Variants in KIF26A observed in about 807,000 individuals in gnomAD.
The protein encoded by KIF26A is kinesin family member 26A, also known as kinesin-like protein KIF26A.
In KIF26A, 74 loss-of-function variants were observed where a neutral mutation model predicts 126.0. The observed-to-expected ratio is 0.59, with a 90% CI of 0.49 to 0.71. KIF26A has a LOEUF of 0.71. KIF26A is among the 30% of genes least tolerant of loss of function. The pLI is 0.00. For missense variants in KIF26A, 2,984 were observed against 2,763.3 expected (o/e 1.08, Z -1.79); for synonymous variants, 1,445 against 1,232.7 (o/e 1.17, Z -3.61).
chr14:104,173,482 G>A lies in KIF26A; in HGVS notation c.1836G>A (p.Gln612=), dbSNP rs1363390673. 7.6e-6 allele frequency: 12 copies of A among 1,578,914 alleles called. No homozygotes were observed. Among genetic ancestry groups the A allele is most frequent in the Non-Finnish European group, 9.5e-6 (11 of 1,158,808 alleles). The change falls in exon 9 of 15, where the codon CAG becomes CAA. Residue 612 remains glutamine, a synonymous_variant. Coordinates refer to ENST00000423312, the MANE Select transcript of KIF26A (RefSeq NM_015656.2). ...SHMLFTLHVY[Q]YRMEKCGRGG... ...TGTTGTTCACGCTGCACGTCTACCAGTACCGCATGGAGAAGTGCGGCCGGG... is the reference window on the plus strand; with the variant it reads ...TGTTGTTCACGCTGCACGTCTACCAATACCGCATGGAGAAGTGCGGCCGGG...
At chr14:104,165,711 A>G (rs1169689395) in intron 4 of KIF26A, among the ~76,000 whole-genome samples, 2 of 141,104 alleles carry the variant, frequency 1.4e-5, no homozygotes, top group Non-Finnish European at 3.1e-5. Context: ...GTCTCTGTGC[A>G]TATGTGTGTC....
At position 104,178,668 on chromosome 14, in the gene KIF26A, G is replaced by A. The variant is rs1178019366; in HGVS notation, c.5229G>A (p.Lys1743=). The change falls in exon 13 of 15, where the codon AAG becomes AAA. Residue 1743 remains lysine, a synonymous_variant. Transcript: ENST00000423312. Reference sequence around the variant, plus strand: ...CCCCGCCCCTGGCTGGCTCCCTGAAGGAGCCGTTCGAGATCAAGGTGTACG... The same window carrying A: ...CCCCGCCCCTGGCTGGCTCCCTGAAAGAGCCGTTCGAGATCAAGGTGTACG... ...DLPPPLAGSL[K]EPFEIKVYEI... 3 of 1,559,790 alleles carry A rather than the reference G, an allele frequency of 1.9e-6. No homozygotes were observed. The highest frequency in any genetic ancestry group is 8.7e-7 in the Non-Finnish European group (1 of 1,152,678).
At chr14:104,145,255 G>A (rs1355237824) in intron 2 of KIF26A, among the ~76,000 whole-genome samples, 1 of 152,210 alleles carries the variant, frequency 6.6e-6, no homozygotes, top group Non-Finnish European at 1.5e-5. Flanking sequence ...TCTCCGTTTC[G>A]TTCACGGGCG....
chr14:104,158,867 T>C (rs2037807723), intron 4 of KIF26A, among the ~76,000 whole-genome samples: 1 of 152,180 alleles, frequency 6.6e-6, no homozygotes, highest in Non-Finnish European at 1.5e-5. Context: ...AGGATGCGGA[T>C]TACAGGATGT....
In KIF26A at chr14:104,176,151, T is replaced by G. The variant is rs1216819211; in HGVS notation, c.3363T>G (p.Thr1121=). 6.3e-7 allele frequency: 1 copy of G among 1,587,050 alleles called. No individual in the cohort carries two copies. The highest frequency in any genetic ancestry group is 1.1e-5 in the South Asian group (1 of 87,206). The change falls in exon 12 of 15, where the codon ACT becomes ACG. Residue 1121 remains threonine (T), a synonymous_variant. Transcript: ENST00000423312. ...SSWLSEVSVC[T]ADSRDPTPQP... is the part of the protein sequence containing the mutation. ...GGCTCAGCGAGGTCAGCGTCTGCAC[T>G]GCCGACAGCCGTGACCCCACGCCGC...
intron 5 of KIF26A, among the ~76,000 whole-genome samples, chr14:104,170,667 C>T (rs771665574): frequency 1.3e-5 from 2 of 152,376 alleles, no homozygotes; most frequent in Non-Finnish European, 2.9e-5. Context: ...AGCCCTGGTT[C>T]AGGGTGGCCC....
intron 14 of KIF26A, 45 bp downstream of exon 14, chr14:104,179,431 C>T: frequency 6.9e-7 from 1 of 1,458,366 alleles, no homozygotes; most frequent in South Asian, 1.4e-5. Context: ...CACCGTGTGC[C>T]CTGACAGCTG....
intron 2 of KIF26A, among the ~76,000 whole-genome samples, chr14:104,139,869 G>T (rs565894527): frequency 6.6e-6 from 1 of 152,308 alleles, no homozygotes; most frequent in South Asian, 2.1e-4. Flanking sequence ...ATTGAGTCGG[G>T]GCCCTCTGGG....
At chr14:104,173,598 C>G (rs1461712296) in intron 9 of KIF26A, 85 bp downstream of exon 9, 1 of 1,510,650 alleles carries the variant, frequency 6.6e-7, no homozygotes, top group African/African-American at 1.4e-5. Context: ...TCCAGTGGCT[C>G]CTGGGGATGT....
intron 2 of KIF26A, among the ~76,000 whole-genome samples, chr14:104,149,809 A>T (rs1162782942): frequency 2.0e-5 from 3 of 152,152 alleles, no homozygotes; most frequent in African/African-American, 7.2e-5. Context: ...AGGTCGCTGG[A>T]CGGGCAGAGG....
At chr14:104,174,432 C>T in intron 11 of KIF26A, 122 bp downstream of exon 11, 1 of 1,032,476 alleles carries the variant, frequency 9.7e-7, no homozygotes, top group Non-Finnish European at 1.3e-6. Flanking sequence ...GGTAGATGTC[C>T]TATGTGTTCT....
rs1240387213 is a variant in KIF26A, at chr14:104,157,748, C to A, written c.736-7C>A. 1.9e-6 allele frequency: 3 copies of A among 1,610,082 alleles called. No homozygotes were observed. The South Asian group carries it at 3.3e-5, about 18-fold the overall frequency. ...GTTCCTTATACGCACTCTCTCCTTC[C>A]CTCCAGGCCGAGGCAGCGGTGGCGG... On this transcript the variant is annotated splice_polypyrimidine_tract_variant and splice_region_variant and intron_variant, in intron 3 of 14. Transcript: ENST00000423312.
chr14:104,154,443 T>C (rs2037758536), intron 3 of KIF26A, among the ~76,000 whole-genome samples: 1 of 152,156 alleles, frequency 6.6e-6, no homozygotes, highest in Admixed American at 6.5e-5. Flanking sequence ...AGGTGGGGCC[T>C]GGAACATCCC....
intron 4 of KIF26A, among the ~76,000 whole-genome samples, chr14:104,159,795 C>G (rs28374587): frequency 6.6e-6 from 1 of 151,830 alleles, no homozygotes; most frequent in African/African-American, 2.4e-5. Flanking sequence ...TGGGCCCTGT[C>G]GGTGGATGCC....
Position 104,177,166 on chromosome 14 carries a change from C to T in KIF26A, c.4378C>T (p.Arg1460Trp), listed in dbSNP as rs759159572. 4.1e-5 allele frequency: 65 copies of T among 1,597,008 alleles called. No homozygotes were observed. The highest frequency in any genetic ancestry group is 3.1e-4 in the South Asian group (28 of 90,884). ...CCGGGAAGCCCCTGGGCGGCCTCCCCGGGCTGTACCCAAGCTGGGTGTGCC... is the reference window on the plus strand; with the variant it reads ...CCGGGAAGCCCCTGGGCGGCCTCCCTGGGCTGTACCCAAGCTGGGTGTGCC... ...KGREAPGRPP[R>W]AVPKLGVPPS... is the part of the protein sequence containing the mutation. Residue 1460 changes from arginine (R) to tryptophan (W), a missense_variant, in exon 12 of 15, where the codon CGG (arginine) becomes TGG (tryptophan). Arg to Trp is a moderately radical substitution (Grantham distance 101, BLOSUM62 -3). Coordinates refer to ENST00000423312, the MANE Select transcript of KIF26A (RefSeq NM_015656.2).
In KIF26A at chr14:104,177,863, C is replaced by T; in HGVS notation, c.5075C>T (p.Thr1692Ile). 1.3e-6 allele frequency: 2 copies of T among 1,555,966 alleles called. No individual in the cohort carries two copies. Among genetic ancestry groups the T allele is most frequent in the South Asian group, 1.2e-5 (1 of 85,158 alleles). ...ESGAASPGAR[T>I]RSLKSPKKRA... is the part of the protein sequence containing the mutation. Reference sequence around the variant, plus strand: ...GGGGCTGCCTCCCCAGGCGCCCGCACCCGCAGCCTCAAGTCCCCCAAGAAG... The same window carrying T: ...GGGGCTGCCTCCCCAGGCGCCCGCATCCGCAGCCTCAAGTCCCCCAAGAAG... Residue 1692 changes from threonine to isoleucine, a missense_variant, in exon 12 of 15, where the codon ACC becomes ATC. Thr to Ile is a moderately conservative substitution (Grantham distance 89). Coordinates refer to ENST00000423312, the MANE Select transcript of KIF26A (RefSeq NM_015656.2).
rs1016110120 is a variant in KIF26A at position 104,151,567 on chromosome 14, G to A, written c.289-448G>A. ...CCACCGGGGCTGGAGACCTGAAGAGGAAGGGAGAGGGTCTCCTGCCCCTGG... is the reference window on the plus strand; with the variant it reads ...CCACCGGGGCTGGAGACCTGAAGAGAAAGGGAGAGGGTCTCCTGCCCCTGG... On this transcript the variant is annotated intron_variant, in intron 2 of 14. Coordinates refer to ENST00000423312, the MANE Select transcript of KIF26A (RefSeq NM_015656.2). The surrounding 1 kb of genome is among the most constrained non-coding windows in gnomAD (Gnocchi z 4.9). 6.6e-6 allele frequency among the ~76,000 whole-genome samples: 1 copy of A among 152,252 alleles called. No individual in the cohort carries two copies. Among genetic ancestry groups the A allele is most frequent in the Admixed American group, 6.5e-5 (1 of 15,294 alleles).
chr14:104,165,413 GTC>G lies in KIF26A; in HGVS notation c.924-1442_924-1441del, dbSNP rs1053473490. On this transcript the variant is annotated intron_variant, in intron 4 of 14. Transcript: ENST00000423312. ...GTCTGTATGCATATGTGTTCTGTGT[GTC>G]TCTGTATGCGTGTGTGTCTGTCTCT... Among the ~76,000 whole-genome samples, 7 of 150,788 alleles carry G rather than the reference GTC, an allele frequency of 4.6e-5. No homozygotes were observed. The East Asian group carries it at 9.7e-4, about 21-fold the overall frequency.
Position 104,172,966 on chromosome 14 carries a change from G to A in KIF26A, c.1421-11G>A, listed in dbSNP as rs756010133. 4 of 1,579,544 alleles carry A rather than the reference G, an allele frequency of 2.5e-6. No individual in the cohort carries two copies. The highest frequency in any genetic ancestry group is 3.4e-6 in the Non-Finnish European group (4 of 1,159,730). ...GTGTGTGGTGGGGCCTGACGCCTGC[G>A]TGGCCCCCAGGCAAGTCGTACACCA... On this transcript the variant is annotated splice_polypyrimidine_tract_variant and intron_variant, in intron 7 of 14. Transcript: ENST00000423312.
Sources: allele counts gnomAD v4.1 joint callset (sites outside exome capture counted in the v4.1 genomes callset), GRCh38; gene constraint gnomAD v4.1.1; non-coding constraint Gnocchi (gnomAD v3.1); transcripts MANE v1.5; gene names NCBI Gene and HGNC (gene_info 2026-07-23, HGNC 2026-07-21).